SLC22A25: variants seen among roughly 807,000 people sequenced by gnomAD.
The protein encoded by SLC22A25 is solute carrier family 22 member 25.
A neutral mutation model predicts 45.9 loss-of-function variants in SLC22A25; 44 were observed. That is an observed-to-expected ratio of 0.96 (90% CI 0.75 to 1.23). SLC22A25 has a LOEUF of 1.23. SLC22A25 is among the 50% of genes most tolerant of loss of function. The pLI is 0.00. For missense variants in SLC22A25, 800 were observed against 666.4 expected (o/e 1.20, Z -2.21); for synonymous variants, 283 against 238.6 (o/e 1.19, Z -1.72).
At chr11:63,169,553 T>C (rs751745076) in intron 9 of SLC22A25, among the ~76,000 whole-genome samples, 10 of 151,910 alleles carry the variant, frequency 6.6e-5, no homozygotes, top group African/African-American at 2.4e-4. Context: ...CCAACAGAAA[T>C]CAAAGAAGAC....
chr11:63,164,097 G>A, intron 11 of SLC22A25, 24 bp from the exon 12 acceptor site: 2 of 1,542,766 alleles, frequency 1.3e-6, no homozygotes, highest in Non-Finnish European at 1.7e-6. Context: ...CAGCAACAGA[G>A]GAAAAGTTGT....
intron 9 of SLC22A25, among the ~76,000 whole-genome samples, chr11:63,175,305 G>T (rs2088046052): frequency 6.6e-6 from 1 of 151,956 alleles, no homozygotes; most frequent in Non-Finnish European, 1.5e-5. Context: ...TTATGATAAT[G>T]TCCTAACAGA....
At chr11:63,183,190 G>C (rs1238988066) in intron 8 of SLC22A25, among the ~76,000 whole-genome samples, 1 of 152,082 alleles carries the variant, frequency 6.6e-6, no homozygotes, top group Non-Finnish European at 1.5e-5. Flanking sequence ...ATTTGGACTG[G>C]TGTTGGTACT....
At chr11:63,191,362 T>A (rs2088807545) in intron 7 of SLC22A25, among the ~76,000 whole-genome samples, 1 of 152,176 alleles carries the variant, frequency 6.6e-6, no homozygotes, top group Admixed American at 6.5e-5. Flanking sequence ...TGGGATATAA[T>A]CTCCTGGTAT....
intron 5 of SLC22A25, chr11:63,218,280 T>C (rs1041010717): frequency 1.9e-5 from 6 of 319,496 alleles, no homozygotes; most frequent in African/African-American, 1.1e-4. Flanking sequence ...CCTCAACTTA[T>C]AAGGGGGAGC....
intron 7 of SLC22A25, among the ~76,000 whole-genome samples, chr11:63,201,971 A>C (rs1031590332): frequency 1.3e-5 from 2 of 152,120 alleles, no homozygotes; most frequent in Non-Finnish European, 2.9e-5. Flanking sequence ...GACTGGTTAG[A>C]CAGTGGGTGC....
At chr11:63,202,856 G>A (rs1012387503) in intron 7 of SLC22A25, among the ~76,000 whole-genome samples, 5 of 152,210 alleles carry the variant, frequency 3.3e-5, no homozygotes, top group Admixed American at 1.3e-4. Context: ...GGTGCCTTCT[G>A]ACAGGGAGAC....
intron 7 of SLC22A25, among the ~76,000 whole-genome samples, chr11:63,199,542 C>T (rs1464436522): frequency 6.6e-6 from 1 of 152,016 alleles, no homozygotes; most frequent in Admixed American, 6.6e-5. Flanking sequence ...ACTTCTCAGC[C>T]TCCCCCTCCC....
At chr11:63,214,444 T>C (rs779013311) in intron 7 of SLC22A25, among the ~76,000 whole-genome samples, 1 of 152,134 alleles carries the variant, frequency 6.6e-6, no homozygotes, top group Non-Finnish European at 1.5e-5. Flanking sequence ...AGAAACTCAG[T>C]TGCATGTAAG....
rs1302690121 is a variant in SLC22A25, at chr11:63,228,362, A to G, written c.506+99T>C. The G allele has an allele frequency of 3.2e-6, 3 of 923,236 alleles. No individual in the cohort carries two copies. In the African/African-American group the frequency reaches 5.0e-5, roughly 15 times the overall value. 57.2% of individuals were successfully genotyped at this position (923,236 alleles called of 1,614,324 possible). A position where few individuals can be genotyped will look rare whatever the true frequency, so the allele number is the denominator to read the frequency against. ...ACAAATCCCTGGGGACCAAGGGAGC[A>G]ACAGGATAGTGTGATTTCCAAAAAT... On this transcript the variant is annotated intron_variant, in intron 5 of 11. Coordinates refer to ENST00000306494, the MANE Select transcript of SLC22A25 (RefSeq NM_199352.6).
chr11:63,160,303 G>A lies in SLC22A25; in HGVS notation c.*3521C>T, dbSNP rs973291539. Among the ~76,000 whole-genome samples the A allele has an allele frequency of 1.3e-5, 2 of 152,158 alleles. No individual in the cohort carries two copies. Among genetic ancestry groups the A allele is most frequent in the Non-Finnish European group, 2.9e-5 (2 of 68,016 alleles). ...CTGTGTGCAGCCTTAGTGACTTGGT[G>A]CCCTGTGTCTCAGCCACTCTAGCCA... On this transcript the variant is annotated 3_prime_UTR_variant, in exon 12 of 12. Coordinates refer to ENST00000306494, the MANE Select transcript of SLC22A25 (RefSeq NM_199352.6).
Position 63,192,541 on chromosome 11 carries a change from G to A in SLC22A25, c.831-8724C>T, listed in dbSNP as rs180827496. 2.6e-5 allele frequency among the ~76,000 whole-genome samples: 4 copies of A among 152,182 alleles called. No homozygotes were observed. In the East Asian group the frequency reaches 7.7e-4, roughly 29 times the overall value. ...ATGCCCCAGTTAAAAGACACAGAGT[G>A]GAAATCTGGATAAAAAAACAAGACC... On this transcript the variant is annotated intron_variant, in intron 7 of 11. Transcript: ENST00000306494.
rs201276215 is a variant in SLC22A25 at position 63,166,103 on chromosome 11, T to G, written c.1226A>C (p.Gln409Pro). Residue 409 changes from glutamine (Q) to proline (P), a missense_variant, in exon 10 of 12, where the codon CAG (glutamine) becomes CCG (proline). Transcript: ENST00000306494. ...TGCCAGTAGGAACATGAGAAGCATC[T>G]GGCTTAGTCGACGGCTCATGTGATT... ...ALNHMSRRLS[Q>P]MLLMFLLATC... 1.1e-5 allele frequency: 18 copies of G among 1,614,044 alleles called. No individual in the cohort carries two copies. In the Admixed American group the frequency reaches 2.2e-4, roughly 19 times the overall value.
intron 8 of SLC22A25, among the ~76,000 whole-genome samples, 156 bp from the exon 9 acceptor site, chr11:63,180,931 G>T: frequency 6.6e-6 from 1 of 152,054 alleles, no homozygotes; most frequent in East Asian, 1.9e-4. Flanking sequence ...ATATAAAAGT[G>T]GTATGGAAGT....
intron 9 of SLC22A25, among the ~76,000 whole-genome samples, chr11:63,175,079 T>G (rs554705790): frequency 6.6e-6 from 1 of 152,280 alleles, no homozygotes; most frequent in East Asian, 1.9e-4. Context: ...AATGTTGCAA[T>G]GAACATGGGA....
Position 63,217,734 on chromosome 11 carries a change from AC to A in SLC22A25, c.507del (p.Arg169SerfsTer18). ...CATCTGAGCACGAACTTTCTCCCAA[AC>A]CTGAGAAACAGGGGCACATTAGATA... ...GGNLYGHLSD[R>X]FGRKFVLRWS... On this transcript the variant is annotated frameshift_variant and splice_region_variant, in exon 6 of 12. Transcript: ENST00000306494. LOFTEE classifies it high-confidence loss of function. The A allele has an allele frequency of 2.5e-6, 4 of 1,602,014 alleles. No homozygotes were observed. The highest frequency in any genetic ancestry group is 1.7e-6 in the Non-Finnish European group (2 of 1,176,708).
In SLC22A25 at chr11:63,163,313, C is replaced by G. The variant is rs1208881698; in HGVS notation, c.*511G>C. Among the ~76,000 whole-genome samples the G allele has an allele frequency of 6.6e-6, 1 of 152,198 alleles. No individual in the cohort carries two copies. The highest frequency in any genetic ancestry group is 2.4e-5 in the African/African-American group (1 of 41,448). ...TTCCTTTACTTATCACTTCTTTTCC[C>G]CTTTTCCAACGCTTTTTTTCCCCCG... On this transcript the variant is annotated 3_prime_UTR_variant, in exon 12 of 12. Transcript: ENST00000306494.
chr11:63,211,628 A>G (rs570275523), intron 7 of SLC22A25, among the ~76,000 whole-genome samples: 3 of 152,306 alleles, frequency 2.0e-5, no homozygotes, highest in African/African-American at 7.2e-5. Context: ...AGAAAGCTGA[A>G]ACTGGATCCC....
chr11:63,190,995 G>C (rs1352359670), intron 7 of SLC22A25, among the ~76,000 whole-genome samples: 1 of 152,232 alleles, frequency 6.6e-6, no homozygotes, highest in Admixed American at 6.5e-5. Flanking sequence ...TCAGGGTTCA[G>C]GGACCCACTT....
Sources: allele counts gnomAD v4.1 joint callset (sites outside exome capture counted in the v4.1 genomes callset), GRCh38; gene constraint gnomAD v4.1.1; transcripts MANE v1.5; gene names NCBI Gene and HGNC (gene_info 2026-07-23, HGNC 2026-07-21).